MARCHF1: variants seen among roughly 807,000 people sequenced by gnomAD.
The protein encoded by MARCHF1 is membrane associated ring-CH-type finger 1, also known as E3 ubiquitin-protein ligase MARCHF1.
In MARCHF1, 40 loss-of-function variants were observed where a neutral mutation model predicts 54.2. That is an observed-to-expected ratio of 0.74 (90% CI 0.57 to 0.96). MARCHF1 has a LOEUF of 0.96. Among genes scored for constraint, MARCHF1 ranks in the 40% least tolerant of loss-of-function variants. MARCHF1 has a pLI of 0.00. For synonymous variants in MARCHF1, 236 were observed against 236.3 expected (o/e 1.00, Z 0.01); for missense variants, 586 against 656.5 (o/e 0.89, Z 1.17).
chr4:164,005,978 G>A (rs116693066), intron 2 of MARCHF1, among the ~76,000 whole-genome samples: 2,423 of 152,130 alleles, frequency 0.016, 57 homozygotes, highest in African/African-American at 0.052. Flanking sequence ...CATATCCAAT[G>A]AAAACCAAAA....
intron 3 of MARCHF1, among the ~76,000 whole-genome samples, chr4:163,965,922 T>C (rs1302630251): frequency 6.6e-6 from 1 of 152,092 alleles, no homozygotes; most frequent in Non-Finnish European, 1.5e-5. Context: ...ATACTTTCAT[T>C]TGTGCCTCTC....
chr4:163,878,321 A>G (rs1750338614), intron 3 of MARCHF1, among the ~76,000 whole-genome samples: 2 of 152,204 alleles, frequency 1.3e-5, no homozygotes, highest in African/African-American at 4.8e-5. Flanking sequence ...CATGCATATG[A>G]ATCTGTCATT....
At chr4:164,354,032 C>G (rs566066965) in intron 1 of MARCHF1, among the ~76,000 whole-genome samples, 6 of 98,548 alleles carry the variant, frequency 6.1e-5, no homozygotes, top group East Asian at 3.1e-4. Context: ...ATACATTCCT[C>G]GACACATACG....
intron 1 of MARCHF1, among the ~76,000 whole-genome samples, chr4:164,183,652 G>A (rs1730891256): frequency 6.6e-6 from 1 of 152,024 alleles, no homozygotes; most frequent in African/African-American, 2.4e-5. Context: ...ATTATTCCAG[G>A]CTGATGCCAT....
At chr4:163,836,402 C>A (rs1350502608) in intron 4 of MARCHF1, among the ~76,000 whole-genome samples, 1 of 148,912 alleles carries the variant, frequency 6.7e-6, no homozygotes, top group Non-Finnish European at 1.5e-5. Flanking sequence ...CCCGCCACCA[C>A]GCCCGGCTAA....
At chr4:164,045,974 A>G (rs1218734126) in intron 2 of MARCHF1, among the ~76,000 whole-genome samples, 1 of 152,222 alleles carries the variant, frequency 6.6e-6, no homozygotes. Context: ...GGCAGAAGAC[A>G]CAAGATTCCT....
chr4:164,219,055 C>T (rs1018289119), intron 1 of MARCHF1, among the ~76,000 whole-genome samples: 2 of 151,880 alleles, frequency 1.3e-5, no homozygotes, highest in African/African-American at 4.8e-5. Flanking sequence ...AGTTCTTCCT[C>T]GAGAAATACA....
At chr4:164,303,676 T>A (rs1293125564) in intron 1 of MARCHF1, among the ~76,000 whole-genome samples, 1 of 152,050 alleles carries the variant, frequency 6.6e-6, no homozygotes, top group African/African-American at 2.4e-5. Flanking sequence ...ATATAGCTCA[T>A]GGGGTTTAAC....
At chr4:164,007,051 C>G (rs1341881779) in intron 2 of MARCHF1, among the ~76,000 whole-genome samples, 1 of 103,178 alleles carries the variant, frequency 9.7e-6, no homozygotes, top group African/African-American at 3.9e-5. Context: ...AAAAAGAAAA[C>G]TTTTTGGCAG....
At position 163,602,894 on chromosome 4, in the gene MARCHF1, C is replaced by A. The variant is rs62332349; in HGVS notation, c.1010+9377G>T. 5.8e-3 allele frequency among the ~76,000 whole-genome samples: 881 copies of A among 151,896 alleles called. 7 individuals carry two copies. Among genetic ancestry groups the A allele is most frequent in the South Asian group, 0.036 (172 of 4,800 alleles). On this transcript the variant is annotated intron_variant, in intron 7 of 9. Transcript: ENST00000514618. ...TTACTGAGTGACTGTACATCTAGGA[C>A]CAACAGGTAGAAAATATGAGTCTGA...
chr4:164,022,715 A>G (rs1347395813), intron 2 of MARCHF1, among the ~76,000 whole-genome samples: 1 of 152,214 alleles, frequency 6.6e-6, no homozygotes. Flanking sequence ...CAATGCCCCA[A>G]GGTTCCCCAT....
intron 2 of MARCHF1, among the ~76,000 whole-genome samples, chr4:164,050,356 C>T (rs140570069): frequency 8.9e-5 from 13 of 146,598 alleles, no homozygotes; most frequent in South Asian, 2.2e-4. Flanking sequence ...TCTCTATTAA[C>T]GGCATTTCCA....
intron 4 of MARCHF1, among the ~76,000 whole-genome samples, chr4:163,818,014 T>C (rs574235710): frequency 6.8e-6 from 1 of 147,928 alleles, no homozygotes; most frequent in Non-Finnish European, 1.5e-5. Context: ...TAATGCTAAA[T>C]GACGAGTTAA....
At chr4:163,914,247 T>G (rs2111343888) in intron 3 of MARCHF1, among the ~76,000 whole-genome samples, 1 of 152,124 alleles carries the variant, frequency 6.6e-6, no homozygotes, top group Non-Finnish European at 1.5e-5. Flanking sequence ...AAAATAGAGG[T>G]TTATATACAT....
At chr4:164,161,419 G>A (rs1730231379) in intron 1 of MARCHF1, among the ~76,000 whole-genome samples, 1 of 152,044 alleles carries the variant, frequency 6.6e-6, no homozygotes, top group African/African-American at 2.4e-5. Context: ...TCTTTATAAA[G>A]TACCCAGCCT....
intron 1 of MARCHF1, among the ~76,000 whole-genome samples, chr4:164,159,716 T>C (rs79737864): frequency 0.045 from 6,869 of 152,262 alleles, 215 homozygotes; most frequent in Middle Eastern, 0.15. Flanking sequence ...AGGAAATATT[T>C]ATGAAGCATT....
At chr4:164,133,427 G>T (rs1163388443) in intron 1 of MARCHF1, among the ~76,000 whole-genome samples, 1 of 152,084 alleles carries the variant, frequency 6.6e-6, no homozygotes, top group Non-Finnish European at 1.5e-5. Flanking sequence ...TCTCTGAATT[G>T]GTTGTGAACT....
At chr4:163,809,627 G>A (rs755462984) in intron 4 of MARCHF1, among the ~76,000 whole-genome samples, 1 of 152,008 alleles carries the variant, frequency 6.6e-6, no homozygotes, top group African/African-American at 2.4e-5. Flanking sequence ...ATCTGCTGAG[G>A]ATATTATTGT....
chr4:164,245,664 C>G (rs1351768514), intron 1 of MARCHF1, among the ~76,000 whole-genome samples: 1 of 151,940 alleles, frequency 6.6e-6, no homozygotes, highest in Admixed American at 6.6e-5. Flanking sequence ...CAAATTGTCC[C>G]TCTTTGCAGA....
Sources: allele counts gnomAD v4.1 joint callset (sites outside exome capture counted in the v4.1 genomes callset), GRCh38; gene constraint gnomAD v4.1.1; transcripts MANE v1.5; gene names NCBI Gene and HGNC (gene_info 2026-07-23, HGNC 2026-07-21).